ARMC3: variants seen among roughly 807,000 people sequenced by gnomAD.
ARMC3 encodes armadillo repeat-containing protein 3.
In ARMC3, 74 loss-of-function variants were observed where a neutral mutation model predicts 90.3. The observed-to-expected ratio is 0.82, with a 90% CI of 0.68 to 0.99. ARMC3 has a LOEUF of 0.99. ARMC3 is among the 50% of genes least tolerant of loss of function. ARMC3 has a pLI of 0.00. For missense variants in ARMC3, 958 were observed against 1,042.8 expected (o/e 0.92, Z 1.12); for synonymous variants, 334 against 361.8 (o/e 0.92, Z 0.87).
intron 1 of ARMC3, among the ~76,000 whole-genome samples, chr10:22,929,419 C>G (rs1430014882): frequency 2.0e-5 from 3 of 152,190 alleles, no homozygotes; most frequent in African/African-American, 4.8e-5. Flanking sequence ...CCCTTGTTTT[C>G]CAAATTCTCC....
chr10:22,983,170 C>G (rs1314012806), intron 10 of ARMC3, among the ~76,000 whole-genome samples: 2 of 152,160 alleles, frequency 1.3e-5, no homozygotes, highest in South Asian at 4.1e-4. Context: ...ATTTCTCGCT[C>G]CAGTCCATTT....
chr10:22,972,278 G>T lies in ARMC3; in HGVS notation c.916+3789G>T, dbSNP rs1339085918. ...CTCATTACCAAATATCAAAGCTTTT[G>T]CCCTATGTTTTCTTCTAGGAGTTTT... On this transcript the variant is annotated intron_variant, in intron 8 of 18. Transcript: ENST00000298032. Among the ~76,000 whole-genome samples, 4 of 152,112 alleles carry T rather than the reference G, an allele frequency of 2.6e-5. No individual in the cohort carries two copies. In the South Asian group the frequency reaches 6.2e-4, roughly 24 times the overall value.
chr10:22,974,031 T>C (rs1835807805), intron 8 of ARMC3, among the ~76,000 whole-genome samples: 1 of 152,192 alleles, frequency 6.6e-6, no homozygotes, highest in African/African-American at 2.4e-5. Flanking sequence ...GTGCTGGGAT[T>C]ACAGGCGTGA....
chr10:22,931,456 G>T (rs772969492), intron 1 of ARMC3, among the ~76,000 whole-genome samples: 2 of 152,154 alleles, frequency 1.3e-5, no homozygotes, highest in Non-Finnish European at 2.9e-5. Flanking sequence ...CACAAATGTT[G>T]ATTCAAGACC....
At chr10:22,929,481 C>T (rs548492874) in intron 1 of ARMC3, among the ~76,000 whole-genome samples, 11 of 152,260 alleles carry the variant, frequency 7.2e-5, no homozygotes, top group Admixed American at 1.3e-4. Flanking sequence ...TCATTGCCAC[C>T]GACCTATGTC....
At chr10:22,946,322 CTT>C in intron 3 of ARMC3, 61 bp downstream of exon 3, 1 of 1,142,102 alleles carries the variant, frequency 8.8e-7, no homozygotes, top group African/African-American at 1.5e-5. Flanking sequence ...TTTACTACCT[CTT>C]GGGCACTTTT....
At chr10:22,974,641 TTTGTTTG>T (rs1835838019) in intron 8 of ARMC3, among the ~76,000 whole-genome samples, 1 of 149,014 alleles carries the variant, frequency 6.7e-6, no homozygotes, top group Non-Finnish European at 1.5e-5. Context: ...TTTTTTTTTG[TTTGTTTG>T]TTTGTTTGTT....
rs146814686 is a variant in ARMC3, at chr10:22,933,212, A to C, written c.48+1168A>C. Among the ~76,000 whole-genome samples the C allele has an allele frequency of 3.1e-3, 476 of 152,142 alleles. 3 individuals carry two copies. Among genetic ancestry groups the C allele is most frequent in the African/African-American group, 0.011 (458 of 41,502 alleles). On this transcript the variant is annotated intron_variant, in intron 2 of 18. Coordinates refer to ENST00000298032, the MANE Select transcript of ARMC3 (RefSeq NM_173081.5). ...CATTGTGATCTCATGATGTTTCATC[A>C]TTCTGGCTGCTTCTCTTAGGACATA...
intron 7 of ARMC3, among the ~76,000 whole-genome samples, 188 bp downstream of exon 7, chr10:22,962,266 C>A (rs931165339): frequency 6.6e-6 from 1 of 152,126 alleles, no homozygotes; most frequent in Non-Finnish European, 1.5e-5. Context: ...TTTTAAAAAT[C>A]TTCTAGTTTA....
chr10:23,007,451 T>C (rs1837677406), intron 14 of ARMC3, among the ~76,000 whole-genome samples: 2 of 152,196 alleles, frequency 1.3e-5, no homozygotes, highest in African/African-American at 2.4e-5. Context: ...CTGACACCTG[T>C]AATCCCAACA....
At position 23,037,334 on chromosome 10, in the gene ARMC3, A is replaced by G. The variant is rs1466854185; in HGVS notation, c.2474A>G (p.Asn825Ser). 8.1e-6 allele frequency: 13 copies of G among 1,613,820 alleles called. No individual in the cohort carries two copies. The highest frequency in any genetic ancestry group is 1.1e-5 in the Non-Finnish European group (13 of 1,179,900). Reference protein sequence around the residue: ...LVRGEYGRAWNEVMLQNDSRK... With the variant: ...LVRGEYGRAWSEVMLQNDSRK... ...CGCGGAGAGTACGGTAGAGCGTGGAATGAAGTCATGCTGCAGAATGACTCT... is the reference window on the plus strand; with the variant it reads ...CGCGGAGAGTACGGTAGAGCGTGGAGTGAAGTCATGCTGCAGAATGACTCT... The change falls in exon 19 of 19, where the codon AAT becomes AGT. Residue 825 changes from asparagine (N) to serine (S), a missense_variant. Coordinates refer to ENST00000298032, the MANE Select transcript of ARMC3 (RefSeq NM_173081.5).
chr10:22,962,179 G>A, intron 7 of ARMC3, 101 bp downstream of exon 7: 1 of 869,938 alleles, frequency 1.1e-6, no homozygotes, highest in Non-Finnish European at 1.6e-6. Context: ...AAGTGTAATA[G>A]ATTAATTTGC....
At chr10:22,975,800 TTTTCCACTATAC>T (rs1190847662) in intron 8 of ARMC3, among the ~76,000 whole-genome samples, 2 of 152,200 alleles carry the variant, frequency 1.3e-5, no homozygotes, top group Non-Finnish European at 2.9e-5. Flanking sequence ...GAAGCTAGTT[TTTTCCACTATAC>T]TTTGGATTCT....
At chr10:22,929,597 G>T (rs564872403) in intron 1 of ARMC3, among the ~76,000 whole-genome samples, 1 of 152,272 alleles carries the variant, frequency 6.6e-6, no homozygotes, top group South Asian at 2.1e-4. Flanking sequence ...ACCCAGGCTG[G>T]AGTGCAATGG....
intron 7 of ARMC3, among the ~76,000 whole-genome samples, chr10:22,964,586 G>A (rs1159055671): frequency 6.6e-6 from 1 of 151,716 alleles, no homozygotes; most frequent in African/African-American, 2.4e-5. Context: ...TTACAGGCAC[G>A]TGCCACCACA....
chr10:22,982,247 A>G (rs1836224437), intron 10 of ARMC3, among the ~76,000 whole-genome samples: 1 of 152,140 alleles, frequency 6.6e-6, no homozygotes, highest in African/African-American at 2.4e-5. Context: ...GCGTGGTGGC[A>G]TGCGCCTGTA....
chr10:22,953,225 G>T (rs1288159388), intron 3 of ARMC3, among the ~76,000 whole-genome samples: 1 of 152,124 alleles, frequency 6.6e-6, no homozygotes. Flanking sequence ...GAAAAGAAAA[G>T]GAAATGGATT....
intron 10 of ARMC3, among the ~76,000 whole-genome samples, chr10:22,986,604 CAAAAA>C (rs1270310777): frequency 7.9e-6 from 1 of 126,120 alleles, no homozygotes; most frequent in South Asian, 2.6e-4. Flanking sequence ...CAAAACAAAA[CAAAAA>C]ACCCAAAAGT....
intron 2 of ARMC3, among the ~76,000 whole-genome samples, chr10:22,933,658 G>A (rs1473897171): frequency 3.9e-5 from 6 of 152,150 alleles, no homozygotes; most frequent in African/African-American, 1.2e-4. Flanking sequence ...GGCTGAGGCG[G>A]GCGGATCACG....
Sources: gnomAD v4.1 joint callset for allele counts (sites outside exome capture counted in the v4.1 genomes callset) on GRCh38, gnomAD v4.1.1 for gene constraint, MANE v1.5 for transcripts, NCBI Gene and HGNC (gene_info 2026-07-23, HGNC 2026-07-21) for gene names.